The following ZFAND3 variants were observed in gnomAD, a reference collection of about 807,000 sequenced individuals.
ZFAND3 encodes AN1-type zinc finger protein 3.
In ZFAND3, 10 loss-of-function variants were observed where a neutral mutation model predicts 29.6. The observed-to-expected ratio is 0.34, with a 90% CI of 0.21 to 0.57. ZFAND3 has a LOEUF of 0.57. Among genes scored for constraint, ZFAND3 ranks in the 20% least tolerant of loss-of-function variants. ZFAND3 has a pLI of 0.86. For missense variants in ZFAND3, 230 were observed against 304.5 expected (o/e 0.76, Z 1.82); for synonymous variants, 128 against 112.6 (o/e 1.14, Z -0.87).
intron 5 of ZFAND3, among the ~76,000 whole-genome samples, chr6:38,125,987 G>A (rs1304944807): frequency 6.6e-6 from 1 of 152,080 alleles, no homozygotes; most frequent in Non-Finnish European, 1.5e-5. Flanking sequence ...AGTTGAATGA[G>A]TTTTAGTAGA....
intron 2 of ZFAND3, among the ~76,000 whole-genome samples, chr6:38,052,515 A>G (rs773234029): frequency 1.3e-5 from 2 of 152,166 alleles, no homozygotes; most frequent in Non-Finnish European, 2.9e-5. Context: ...CGCTAAATTC[A>G]GCAAATTTAT....
intron 1 of ZFAND3, among the ~76,000 whole-genome samples, chr6:37,832,694 G>A (rs1234814517): frequency 6.6e-6 from 1 of 151,612 alleles, no homozygotes; most frequent in Non-Finnish European, 1.5e-5. Context: ...CTCTCTCCTC[G>A]ACAGGGTCTC....
intron 1 of ZFAND3, among the ~76,000 whole-genome samples, chr6:37,846,262 A>G (rs575451065): frequency 2.0e-4 from 30 of 152,332 alleles, no homozygotes; most frequent in Admixed American, 7.2e-4. Context: ...TAGGTGCACA[A>G]TATTCCACTA....
At chr6:37,896,568 TTCTCTCTTTC>T (rs1424845909) in intron 1 of ZFAND3, among the ~76,000 whole-genome samples, 1 of 145,636 alleles carries the variant, frequency 6.9e-6, no homozygotes, top group Admixed American at 6.9e-5. Flanking sequence ...CTTTCTTTCT[TTCTCTCTTTC>T]TCTCTCTTTC....
chr6:37,890,106 A>G (rs991653432), intron 1 of ZFAND3, among the ~76,000 whole-genome samples: 13 of 152,226 alleles, frequency 8.5e-5, no homozygotes, highest in Admixed American at 6.5e-4. Flanking sequence ...TAATAATAGC[A>G]TGAGTCCTAT....
intron 5 of ZFAND3, among the ~76,000 whole-genome samples, chr6:38,137,244 G>A (rs979390079): frequency 1.3e-5 from 2 of 152,162 alleles, no homozygotes; most frequent in Admixed American, 6.5e-5. Flanking sequence ...GAAAGTAAAC[G>A]TGCTACTGCA....
intron 2 of ZFAND3, 33 bp from the exon 3 acceptor site, chr6:38,061,560 C>G: frequency 6.2e-7 from 1 of 1,612,766 alleles, no homozygotes; most frequent in Non-Finnish European, 8.5e-7. Context: ...ACTGTGAACT[C>G]CTTAATTAAG....
At chr6:37,877,978 T>C (rs968407334) in intron 1 of ZFAND3, among the ~76,000 whole-genome samples, 2 of 152,086 alleles carry the variant, frequency 1.3e-5, no homozygotes, top group African/African-American at 4.8e-5. Flanking sequence ...ATTTTAGAAA[T>C]GAGGTAGGAA....
At chr6:37,952,334 G>T (rs1376431186) in intron 2 of ZFAND3, among the ~76,000 whole-genome samples, 1 of 152,024 alleles carries the variant, frequency 6.6e-6, no homozygotes, top group East Asian at 1.9e-4. Flanking sequence ...CTGGTTCAGG[G>T]CTTTTGCTGG....
intron 2 of ZFAND3, among the ~76,000 whole-genome samples, chr6:38,053,045 A>G (rs968440946): frequency 2.0e-5 from 3 of 149,786 alleles, no homozygotes; most frequent in African/African-American, 7.3e-5. Context: ...AAAAAAAAAA[A>G]AAAGAAAAAG....
chr6:38,034,134 T>C (rs1763614146), intron 2 of ZFAND3, among the ~76,000 whole-genome samples: 1 of 152,180 alleles, frequency 6.6e-6, no homozygotes, highest in Non-Finnish European at 1.5e-5. Context: ...CCTATTATGT[T>C]TTACATTCAG....
chr6:38,033,150 T>G (rs1763593530), intron 2 of ZFAND3, among the ~76,000 whole-genome samples: 1 of 152,192 alleles, frequency 6.6e-6, no homozygotes, highest in African/African-American at 2.4e-5. Context: ...GCTAAATTCC[T>G]GAGAGCTGTT....
intron 1 of ZFAND3, among the ~76,000 whole-genome samples, chr6:37,847,371 C>G (rs528923945): frequency 6.6e-6 from 1 of 151,910 alleles, no homozygotes; most frequent in Non-Finnish European, 1.5e-5. Context: ...GTCAGGAGAT[C>G]GAGACCATCC....
intron 2 of ZFAND3, among the ~76,000 whole-genome samples, chr6:37,951,734 A>G (rs1413281035): frequency 6.6e-6 from 1 of 152,140 alleles, no homozygotes; most frequent in Non-Finnish European, 1.5e-5. Flanking sequence ...ACTGTGTTGA[A>G]TAAGAGTGCT....
At chr6:38,130,082 G>GTT (rs1765714124) in intron 5 of ZFAND3, among the ~76,000 whole-genome samples, 1 of 150,202 alleles carries the variant, frequency 6.7e-6, no homozygotes, top group Non-Finnish European at 1.5e-5. Flanking sequence ...GGTTTTTTTT[G>GTT]TTTGTTTTGT....
chr6:37,822,916 T>A (rs1763692813), intron 1 of ZFAND3, among the ~76,000 whole-genome samples: 1 of 152,016 alleles, frequency 6.6e-6, no homozygotes, highest in African/African-American at 2.4e-5. Flanking sequence ...TGAAGGGTGA[T>A]CACAATCTAG....
In ZFAND3 at chr6:38,041,631, T is replaced by TTCTTC. The variant is rs1561976605; in HGVS notation, c.113-19961_113-19960insCTTCT. Among the ~76,000 whole-genome samples, 65 of 56,240 alleles carry TTCTTC rather than the reference T, an allele frequency of 1.2e-3. 4 individuals are homozygous for TTCTTC. Among genetic ancestry groups the TTCTTC allele is most frequent in the African/African-American group, 2.3e-3 (42 of 18,278 alleles). The allele number at this position is 56,240 out of a possible 152,430, so 36.9% of individuals were successfully genotyped here. A position where few individuals can be genotyped will look rare whatever the true frequency, so the allele number is the denominator to read the frequency against. On this transcript the variant is annotated intron_variant, in intron 2 of 5. Transcript: ENST00000287218. ...GTCACCACTGTTTTTTTATCTACTT[T>TTCTTC]TTCTTCTTCTTCTTCTTCTTCTTCT...
At chr6:37,824,501 C>G (rs978371914) in intron 1 of ZFAND3, among the ~76,000 whole-genome samples, 3 of 152,090 alleles carry the variant, frequency 2.0e-5, no homozygotes, top group African/African-American at 7.2e-5. Context: ...TTTTCTAATT[C>G]TATTTAAGTA....
intron 1 of ZFAND3, among the ~76,000 whole-genome samples, chr6:37,879,802 G>T (rs1401958568): frequency 1.3e-5 from 2 of 152,100 alleles, no homozygotes; most frequent in African/African-American, 2.4e-5. Context: ...GATATATCTG[G>T]TACTTAATTC....
Sources: allele counts gnomAD v4.1 joint callset (sites outside exome capture counted in the v4.1 genomes callset), GRCh38; gene constraint gnomAD v4.1.1; transcripts MANE v1.5; gene names NCBI Gene and HGNC (gene_info 2026-07-23, HGNC 2026-07-21).